CHD3: variants seen among roughly 807,000 people sequenced by gnomAD.
CHD3 encodes ATP-dependent chromatin remodeler CHD3.
A neutral mutation model predicts 248.9 loss-of-function variants in CHD3; 52 were observed. The ratio of observed to expected loss-of-function variants is 0.21; its 90% CI spans 0.17 to 0.26. The LOEUF is 0.26. CHD3 is among the 10% of genes least tolerant of loss of function. The probability of loss-of-function intolerance (pLI) is 1.00; values close to 1 mark genes in which losing one functional copy is unlikely to be tolerated. For synonymous variants in CHD3, 985 were observed against 985.2 expected (o/e 1.00, Z 0.00); for missense variants, 1,482 against 2,605.8 (o/e 0.57, Z 9.39).
chr17:7,904,997 AG>A lies in CHD3; in HGVS notation c.4073-101del. ...CCCAGAAGGACCAAGGCCAGAATAA[AG>A]GTAGACAAGTCTCGGCAGGGAGGAA... On this transcript the variant is annotated intron_variant, in intron 25 of 39. Coordinates refer to ENST00000330494, the MANE Select transcript of CHD3 (RefSeq NM_001005273.3). This position sits in a 1 kb window ranked among gnomAD's most constrained non-coding sequence, Gnocchi z 4.4. 1 of 1,065,988 alleles carries A rather than the reference AG, an allele frequency of 9.4e-7. No individual in the cohort carries two copies. The allele number at this position is 1,065,988 out of a possible 1,614,324, so 66.0% of individuals were successfully genotyped here.
At chr17:7,884,973 C>A (rs1190415200), upstream of CHD3, 4 of 1,136,882 alleles carry the variant, frequency 3.5e-6, no homozygotes, top group African/African-American at 1.7e-5. Flanking sequence ...GGGCGCGGGC[C>A]GGGCCACGAC....
rs1970897306 is a variant in CHD3, at chr17:7,906,108, C to T, written c.4358+119C>T. ...CTCAACTGATTATCACCCTCCCTGT[C>T]ATACAATACTTCCTGGCTCGATTTC... is the stretch of plus-strand genomic sequence containing the variant. On this transcript the variant is annotated intron_variant, in intron 28 of 39. Coordinates refer to ENST00000330494, the MANE Select transcript of CHD3 (RefSeq NM_001005273.3). This position sits in a 1 kb window ranked among gnomAD's most constrained non-coding sequence, Gnocchi z 5.0. 2.8e-6 allele frequency: 4 copies of T among 1,418,206 alleles called. No individual in the cohort carries two copies. In the Admixed American group the frequency reaches 5.0e-5, roughly 18 times the overall value. The allele number at this position is 1,418,206 out of a possible 1,614,324, so 87.9% of individuals were successfully genotyped here. A position where few individuals can be genotyped will look rare whatever the true frequency, so the allele number is the denominator to read the frequency against.
chr17:7,909,310 C>T lies in CHD3; in HGVS notation c.5562C>T (p.Asn1854=). ...TCTCCAAGGAGTCGCTGGCGGGGAA[C>T]AAGCCGGCCAACGCCGTCCTGCACA... ...QHLSKESLAG[N]KPANAVLHKV... is the part of the protein sequence containing the mutation. Residue 1854 remains asparagine (N), a synonymous_variant, in exon 37 of 40, where the codon AAC becomes AAT. Coordinates refer to ENST00000330494, the MANE Select transcript of CHD3 (RefSeq NM_001005273.3). The surrounding 1 kb of genome is among the most constrained non-coding windows in gnomAD (Gnocchi z 8.1). 1.3e-6 allele frequency: 2 copies of T among 1,559,488 alleles called. No individual in the cohort carries two copies. Among genetic ancestry groups the T allele is most frequent in the Non-Finnish European group, 1.7e-6 (2 of 1,153,516 alleles).
intron 13 of CHD3, 59 bp downstream of exon 13, chr17:7,898,654 A>T (rs1218875024): frequency 3.0e-6 from 4 of 1,328,684 alleles, no homozygotes; most frequent in Non-Finnish European, 4.3e-6. Flanking sequence ...AAGATTTTCC[A>T]AGGGCTACTG....
chr17:7,899,567 T>C lies in CHD3; in HGVS notation c.2544+24T>C. 1 of 1,599,258 alleles carries C rather than the reference T, an allele frequency of 6.3e-7. No homozygotes were observed. Among genetic ancestry groups the C allele is most frequent in the Non-Finnish European group, 8.6e-7 (1 of 1,168,188 alleles). Reference sequence around the variant, plus strand: ...AGGTAAGACCCTCTACCTCATATCCTCTGAGACCCTCAAAGCTGTCACTTC... The same window carrying C: ...AGGTAAGACCCTCTACCTCATATCCCCTGAGACCCTCAAAGCTGTCACTTC... On this transcript the variant is annotated intron_variant, in intron 15 of 39. Coordinates refer to ENST00000330494, the MANE Select transcript of CHD3 (RefSeq NM_001005273.3). This position sits in a 1 kb window ranked among gnomAD's most constrained non-coding sequence, Gnocchi z 6.8.
In CHD3 at chr17:7,893,572, AG is replaced by A. The variant is rs1969199093; in HGVS notation, c.793+6del. ...AGCCAAAACCAAAGAGGGCAAAGGT[AG>A]GGAACTCTCTTCCAACAACTGTCAT... On this transcript the variant is annotated splice_donor_region_variant and intron_variant, in intron 5 of 39. Coordinates refer to ENST00000330494, the MANE Select transcript of CHD3 (RefSeq NM_001005273.3). 1.3e-6 allele frequency: 2 copies of A among 1,558,232 alleles called. No homozygotes were observed. The highest frequency in any genetic ancestry group is 1.7e-6 in the Non-Finnish European group (2 of 1,152,144).
Position 7,893,837 on chromosome 17 carries a change from C to T in CHD3, c.826C>T (p.Arg276Ter). ...PGHKRRSKSP[R>*]VPDGRKKLRG... The stretch of plus-strand genomic sequence containing the variant: ...CCATAAGAGGCGGAGTAAGAGCCCC[C>T]GAGTGCCTGATGGACGCAAGAAGCT... The change falls in exon 6 of 40, where the codon CGA (arginine) becomes TGA (stop). Residue 276 changes from arginine (R) to a stop codon, truncating the protein, a stop_gained. Coordinates refer to ENST00000330494, the MANE Select transcript of CHD3 (RefSeq NM_001005273.3). LOFTEE classifies it high-confidence loss of function. The T allele has an allele frequency of 6.2e-7, 1 of 1,614,070 alleles. No homozygotes were observed. Among genetic ancestry groups the T allele is most frequent in the Non-Finnish European group, 8.5e-7 (1 of 1,180,022 alleles).
Position 7,909,472 on chromosome 17 carries a change from C to G in CHD3, c.5590+134C>G, listed in dbSNP as rs1435071380. The G allele has an allele frequency of 7.8e-7, 1 of 1,285,932 alleles. No homozygotes were observed. 79.7% of individuals were successfully genotyped at this position (1,285,932 alleles called of 1,614,324 possible). On this transcript the variant is annotated intron_variant, in intron 37 of 39. Coordinates refer to ENST00000330494, the MANE Select transcript of CHD3 (RefSeq NM_001005273.3). The surrounding 1 kb of genome is among the most constrained non-coding windows in gnomAD (Gnocchi z 8.1). Reference sequence around the variant, plus strand: ...CATCCCCCTCTGACCTCTAACCCCACTCCTACCGACCTGGCACCCCCTTGG... The same window carrying G: ...CATCCCCCTCTGACCTCTAACCCCAGTCCTACCGACCTGGCACCCCCTTGG...
Position 7,906,144 on chromosome 17 carries a change from GTCTC to G in CHD3, c.4358+156_4358+159del, listed in dbSNP as rs1294626655. ...TCCTGGCTCGATTTCCTGGGGGGTG[GTCTC>G]AGCCCACTCCACCTCCCCTCAGCCG... On this transcript the variant is annotated intron_variant, in intron 28 of 39. Coordinates refer to ENST00000330494, the MANE Select transcript of CHD3 (RefSeq NM_001005273.3). The surrounding 1 kb of genome is among the most constrained non-coding windows in gnomAD (Gnocchi z 5.0). 8.4e-7 allele frequency: 1 copy of G among 1,191,468 alleles called. No individual in the cohort carries two copies. The highest frequency in any genetic ancestry group is 1.2e-6 in the Non-Finnish European group (1 of 808,376). 73.8% of individuals were successfully genotyped at this position (1,191,468 alleles called of 1,614,324 possible).
rs762815379 is a variant in CHD3 at position 7,893,349 on chromosome 17, C to G, written c.573C>G (p.Ala191=). The G allele has an allele frequency of 1.2e-6, 2 of 1,613,898 alleles. No homozygotes were observed. The highest frequency in any genetic ancestry group is 2.2e-5 in the South Asian group (2 of 91,058). ...CTAAGATGATGACCATCCTTGGGGC[C>G]AAATGGAGAGAGTTCAGTGCCAACA... ...PMSKMMTILG[A]KWREFSANNP... Residue 191 remains alanine (A), a synonymous_variant, in exon 5 of 40, where the codon GCC becomes GCG. Coordinates refer to ENST00000330494, the MANE Select transcript of CHD3 (RefSeq NM_001005273.3).
chr17:7,897,365 T>G lies in CHD3; in HGVS notation c.1919+71T>G. The G allele has an allele frequency of 7.6e-7, 1 of 1,317,194 alleles. No homozygotes were observed. The highest frequency in any genetic ancestry group is 1.4e-5 in the African/African-American group (1 of 69,432). 81.6% of individuals were successfully genotyped at this position (1,317,194 alleles called of 1,614,324 possible). A position where few individuals can be genotyped will look rare whatever the true frequency, so the allele number is the denominator to read the frequency against. On this transcript the variant is annotated intron_variant, in intron 11 of 39. Coordinates refer to ENST00000330494, the MANE Select transcript of CHD3 (RefSeq NM_001005273.3). The surrounding 1 kb of genome is among the most constrained non-coding windows in gnomAD (Gnocchi z 4.8). ...TTCTTACCATGGTGATGGCCCCATG[T>G]TAGTATTTGCTGATTAACCAGGTAA...
rs369109599 is a variant in CHD3, at chr17:7,906,864, C to T, written c.4504-5C>T. ...ACACCTAACCCTCCCACCCTGCCACCCCAGGTGCAGGAGTTTGAGCACATC... is the reference window on the plus strand; with the variant it reads ...ACACCTAACCCTCCCACCCTGCCACTCCAGGTGCAGGAGTTTGAGCACATC... On this transcript the variant is annotated splice_region_variant and splice_polypyrimidine_tract_variant and intron_variant, in intron 29 of 39. Transcript: ENST00000330494. The surrounding 1 kb of genome is among the most constrained non-coding windows in gnomAD (Gnocchi z 5.0). 6 of 1,613,986 alleles carry T rather than the reference C, an allele frequency of 3.7e-6. No homozygotes were observed. The highest frequency in any genetic ancestry group is 2.2e-5 in the East Asian group (1 of 44,850).
rs1597986819 is a variant in CHD3, at chr17:7,904,934, C to T, written c.4073-166C>T. Among the ~76,000 whole-genome samples, 1 of 152,054 alleles carries T rather than the reference C, an allele frequency of 6.6e-6. No individual in the cohort carries two copies. ...GTGAATGGAGATGGTGTAGGATATG[C>T]GGCTCCCAAGTCAGACTTTGGGCAG... is the stretch of plus-strand genomic sequence containing the variant. On this transcript the variant is annotated intron_variant, in intron 25 of 39. Transcript: ENST00000330494. The surrounding 1 kb of genome is among the most constrained non-coding windows in gnomAD (Gnocchi z 4.4).
rs746466089 is a variant in CHD3 at position 7,903,108 on chromosome 17, G to A, written c.3495+47G>A. The A allele has an allele frequency of 1.9e-6, 3 of 1,598,104 alleles. No homozygotes were observed. Among genetic ancestry groups the A allele is most frequent in the Non-Finnish European group, 1.7e-6 (2 of 1,168,642 alleles). On this transcript the variant is annotated intron_variant, in intron 22 of 39. Coordinates refer to ENST00000330494, the MANE Select transcript of CHD3 (RefSeq NM_001005273.3). The surrounding 1 kb of genome is among the most constrained non-coding windows in gnomAD (Gnocchi z 6.8). ...CCCCTGCACCATTTAGCAAGGAGATGTGGGTTCATGGAGGAGGGTGTCATG... is the reference window on the plus strand; with the variant it reads ...CCCCTGCACCATTTAGCAAGGAGATATGGGTTCATGGAGGAGGGTGTCATG...
At chr17:7,892,662 A>C (rs1969051997) in intron 4 of CHD3, among the ~76,000 whole-genome samples, 1 of 151,888 alleles carries the variant, frequency 6.6e-6, no homozygotes, top group African/African-American at 2.4e-5. Flanking sequence ...ACACCCAGCT[A>C]ATTTTTGTAT....
upstream of CHD3, among the ~76,000 whole-genome samples, chr17:7,887,961 G>C (rs1238616718): frequency 6.6e-6 from 1 of 152,252 alleles, no homozygotes; most frequent in African/African-American, 2.4e-5. Context: ...GTGGGGAGTA[G>C]AGTGAACCGG....
At position 7,907,109 on chromosome 17, in the gene CHD3, T is replaced by C. The variant is rs540824883; in HGVS notation, c.4667-17T>C. On this transcript the variant is annotated splice_polypyrimidine_tract_variant and intron_variant, in intron 30 of 39. Transcript: ENST00000330494. This position sits in a 1 kb window ranked among gnomAD's most constrained non-coding sequence, Gnocchi z 4.3. Reference sequence around the variant, plus strand: ...GCGGGAGAATCTCTGTCTTTATCACTGTGCCTTCCCCTGCAGCTACTCCAG... The same window carrying C: ...GCGGGAGAATCTCTGTCTTTATCACCGTGCCTTCCCCTGCAGCTACTCCAG... The C allele has an allele frequency of 3.1e-6, 5 of 1,614,136 alleles. No homozygotes were observed. In the East Asian group the frequency reaches 6.7e-5, roughly 22 times the overall value.
chr17:7,895,560 T>G lies in CHD3; in HGVS notation c.1707+18T>G. ...AGCTTCAGGTACTAGGACCTTTTCT[T>G]TCCCTCTCCCCCATGACCTCATTTC... On this transcript the variant is annotated intron_variant, in intron 10 of 39. Coordinates refer to ENST00000330494, the MANE Select transcript of CHD3 (RefSeq NM_001005273.3). This position sits in a 1 kb window ranked among gnomAD's most constrained non-coding sequence, Gnocchi z 4.9. 6.2e-7 allele frequency: 1 copy of G among 1,606,410 alleles called. No individual in the cohort carries two copies. Among genetic ancestry groups the G allele is most frequent in the Non-Finnish European group, 8.5e-7 (1 of 1,173,346 alleles).
In CHD3 at chr17:7,900,840, C is replaced by T; in HGVS notation, c.2979-12C>T. Reference sequence around the variant, plus strand: ...ATTTATGTTTCTTTTACACCCCTTTCCTGGCCTTTAGGAAATACTACAAAT... The same window carrying T: ...ATTTATGTTTCTTTTACACCCCTTTTCTGGCCTTTAGGAAATACTACAAAT... On this transcript the variant is annotated splice_polypyrimidine_tract_variant and intron_variant, in intron 18 of 39. Transcript: ENST00000330494. This position sits in a 1 kb window ranked among gnomAD's most constrained non-coding sequence, Gnocchi z 6.5. 1 of 1,613,832 alleles carries T rather than the reference C, an allele frequency of 6.2e-7. No homozygotes were observed. Among genetic ancestry groups the T allele is most frequent in the Non-Finnish European group, 8.5e-7 (1 of 1,179,862 alleles).
Sources: allele counts gnomAD v4.1 joint callset (sites outside exome capture counted in the v4.1 genomes callset), GRCh38; gene constraint gnomAD v4.1.1; non-coding constraint Gnocchi (gnomAD v3.1); transcripts MANE v1.5; gene names NCBI Gene and HGNC (gene_info 2026-07-23, HGNC 2026-07-21).